Variants in ANKRD28 observed in about 807,000 individuals in gnomAD.
ANKRD28 encodes ankyrin repeat domain 28, also known as serine/threonine-protein phosphatase 6 regulatory ankyrin repeat subunit A.
A neutral mutation model predicts 126.5 loss-of-function variants in ANKRD28; 44 were observed. The ratio of observed to expected loss-of-function variants is 0.35; its 90% confidence interval spans 0.27 to 0.45. ANKRD28 has a LOEUF of 0.45. Ranked by LOEUF, ANKRD28 falls within the 20% of genes least tolerant of loss-of-function variation. The probability of loss-of-function intolerance (pLI) is 1.00; values close to 1 mark genes in which losing one functional copy is unlikely to be tolerated. For missense variants in ANKRD28, 1,110 were observed against 1,316.6 expected (o/e 0.84, Z 2.43); for synonymous variants, 442 against 468.5 (o/e 0.94, Z 0.73).
intron 24 of ANKRD28, 100 bp downstream of exon 24, chr3:15,678,109 G>C (rs1226424314): frequency 8.5e-7 from 1 of 1,183,158 alleles, no homozygotes; most frequent in African/African-American, 1.5e-5. Context: ...AGTCTTAGGA[G>C]TGGTAAGATA....
At chr3:15,859,601 G>C in exon 1 of ANKRD28, 1 of 200,326 alleles carries the variant, frequency 5.0e-6, no homozygotes, top group Non-Finnish European at 9.1e-6. Context: ...CGCCGCCGCC[G>C]CCGCCGCCGA....
At chr3:15,824,241 G>A (rs559420581) in intron 1 of ANKRD28, among the ~76,000 whole-genome samples, 1 of 152,244 alleles carries the variant, frequency 6.6e-6, no homozygotes, top group East Asian at 1.9e-4. Context: ...TGCAACCTCC[G>A]CCTCCTGGGC....
At chr3:15,733,839 A>T (rs1335502716) in intron 6 of ANKRD28, among the ~76,000 whole-genome samples, 1 of 152,248 alleles carries the variant, frequency 6.6e-6, no homozygotes, top group Non-Finnish European at 1.5e-5. Context: ...CTTAAAAAAG[A>T]AAAAGGATTC....
intron 6 of ANKRD28, among the ~76,000 whole-genome samples, chr3:15,734,836 T>A (rs577492797): frequency 2.2e-4 from 34 of 152,218 alleles, no homozygotes; most frequent in Non-Finnish European, 4.4e-4. Context: ...GTCACACGGT[T>A]GCATAGGTTT....
Position 15,743,118 on chromosome 3 carries a change from G to A in ANKRD28, c.352-5885C>T, listed in dbSNP as rs559739444. Among the ~76,000 whole-genome samples the A allele has an allele frequency of 9.9e-5, 15 of 152,152 alleles. No homozygotes were observed. The South Asian group carries it at 2.9e-3, about 30-fold the overall frequency. On this transcript the variant is annotated intron_variant, in intron 4 of 27. Coordinates refer to ENST00000683139, the MANE Select transcript of ANKRD28 (RefSeq NM_001349278.2). ...CTGAAACATGTGCTGTGTCCACTCA[G>A]GGTTAAATGGATTAAGGGTGGTGCA...
chr3:15,691,874 A>C (rs2068847330), intron 17 of ANKRD28, among the ~76,000 whole-genome samples: 1 of 152,166 alleles, frequency 6.6e-6, no homozygotes, highest in Non-Finnish European at 1.5e-5. Context: ...CACACCTATA[A>C]TCCCAGCACT....
At chr3:15,697,805 G>A (rs1361966143) in intron 14 of ANKRD28, among the ~76,000 whole-genome samples, 1 of 152,204 alleles carries the variant, frequency 6.6e-6, no homozygotes, top group African/African-American at 2.4e-5. Flanking sequence ...CAGAAGGAAT[G>A]GTACCAGCTC....
chr3:15,705,328 T>TTG (rs969330045), intron 14 of ANKRD28, among the ~76,000 whole-genome samples: 56 of 152,180 alleles, frequency 3.7e-4, no homozygotes, highest in Non-Finnish European at 4.0e-4. Context: ...CTTTGTGGTT[T>TTG]TGTGTGTGTG....
chr3:15,852,846 A>AG (rs1272975005), intron 1 of ANKRD28, among the ~76,000 whole-genome samples: 2 of 151,390 alleles, frequency 1.3e-5, no homozygotes, highest in Non-Finnish European at 2.9e-5. Context: ...AAAAAAAAAA[A>AG]AAAAAAAAAA....
At chr3:15,672,631 G>GCCTGCTGCTGTT in intron 27 of ANKRD28, among the ~76,000 whole-genome samples, 1 of 152,300 alleles carries the variant, frequency 6.6e-6, no homozygotes, top group East Asian at 1.9e-4. Context: ...TTCTAAAGGT[G>GCCTGCTGCTGTT]CCTGCTGCTG....
At chr3:15,684,545 TCTC>T (rs2067888826) in intron 21 of ANKRD28, 1 of 152,196 alleles carries the variant, frequency 6.6e-6, no homozygotes, top group African/African-American at 2.4e-5. Flanking sequence ...TCTCACTGTT[TCTC>T]CTACTTTTGG....
chr3:15,765,919 C>A (rs73038261), intron 3 of ANKRD28, among the ~76,000 whole-genome samples: 13,325 of 150,852 alleles, frequency 0.088, 783 homozygotes, highest in East Asian at 0.33. Flanking sequence ...TTATCCTGAT[C>A]TACCTTTCAA....
chr3:15,721,078 T>C lies in ANKRD28; in HGVS notation c.833A>G (p.Tyr278Cys), dbSNP rs2124920662. The C allele has an allele frequency of 6.2e-7, 1 of 1,613,820 alleles. No homozygotes were observed. Among genetic ancestry groups the C allele is most frequent in the East Asian group, 2.2e-5 (1 of 44,862 alleles). ...ATTCACTACAACATCTTGTCCATTA[T>C]AGCAGGCTACATGAAGAGGTGTATT... is the stretch of plus-strand genomic sequence containing the variant. ...YGNTPLHVACYNGQDVVVNEL... is the reference protein window; with the variant it reads ...YGNTPLHVACCNGQDVVVNEL... Residue 278 changes from tyrosine to cysteine, a missense_variant, in exon 8 of 28, where the codon TAT becomes TGT. By Grantham distance (194) the Tyr-to-Cys change is radical (BLOSUM62 -2). Coordinates refer to ENST00000683139, the MANE Select transcript of ANKRD28 (RefSeq NM_001349278.2).
intron 1 of ANKRD28, among the ~76,000 whole-genome samples, chr3:15,859,007 G>C (rs1363320851): frequency 6.6e-6 from 1 of 152,194 alleles, no homozygotes; most frequent in Non-Finnish European, 1.5e-5. Flanking sequence ...CCTGGGTCAC[G>C]GCCGCCAGTA....
At chr3:15,745,212 C>T (rs1353888657) in intron 4 of ANKRD28, among the ~76,000 whole-genome samples, 3 of 152,108 alleles carry the variant, frequency 2.0e-5, no homozygotes, top group African/African-American at 7.2e-5. Context: ...TTTTCTTTTG[C>T]TGTGCAGAAG....
In ANKRD28 at chr3:15,796,496, A is replaced by G; in HGVS notation, c.26T>C (p.Leu9Ser). 7.8e-7 allele frequency: 1 copy of G among 1,289,148 alleles called. No individual in the cohort carries two copies. Among genetic ancestry groups the G allele is most frequent in the Non-Finnish European group, 1.0e-6 (1 of 988,432 alleles). The allele number at this position is 1,289,148 out of a possible 1,614,324, so 79.9% of individuals were successfully genotyped here. The change falls in exon 1 of 28, where the codon TTG becomes TCG. Residue 9 changes from leucine to serine, a missense_variant. Coordinates refer to ENST00000683139, the MANE Select transcript of ANKRD28 (RefSeq NM_001349278.2). ...AGGAGATTCATCTTCTACCTCCTCC[A>G]AAACAACAATACACACTCGACTCAT... is the stretch of plus-strand genomic sequence containing the variant. MSRVCIVV[L>S]EEVEDESPAF... is the part of the protein sequence containing the mutation.
chr3:15,824,638 T>C (rs753534234), intron 1 of ANKRD28, among the ~76,000 whole-genome samples: 1 of 152,214 alleles, frequency 6.6e-6, no homozygotes, highest in Non-Finnish European at 1.5e-5. Flanking sequence ...AAAAATTAGC[T>C]CTGATAGTTT....
intron 2 of ANKRD28, among the ~76,000 whole-genome samples, chr3:15,772,194 CAGA>C (rs1156976064): frequency 6.6e-6 from 1 of 151,848 alleles, no homozygotes; most frequent in Non-Finnish European, 1.5e-5. Flanking sequence ...GCAAAAAAAG[CAGA>C]AGGATGAAAA....
Position 15,835,647 on chromosome 3 carries a change from T to A in ANKRD28, c.27+23730A>T, listed in dbSNP as rs908378293. ...CATAGCTTAGTAAGATACTTAGAAATTGACGTCTACATAACTTCTCTCCCA... is the reference window on the plus strand; with the variant it reads ...CATAGCTTAGTAAGATACTTAGAAAATGACGTCTACATAACTTCTCTCCCA... On this transcript the variant is annotated intron_variant, in intron 1 of 27. Coordinates refer to the ANKRD28 transcript ENST00000399451. 4.6e-5 allele frequency among the ~76,000 whole-genome samples: 7 copies of A among 152,322 alleles called. No individual in the cohort carries two copies. In the East Asian group the frequency reaches 1.4e-3, roughly 29 times the overall value.
Sources: allele counts gnomAD v4.1 joint callset (sites outside exome capture counted in the v4.1 genomes callset), GRCh38; gene constraint gnomAD v4.1.1; transcripts MANE v1.5; gene names NCBI Gene and HGNC (gene_info 2026-07-23, HGNC 2026-07-21).